CMPK2: variants seen among roughly 807,000 people sequenced by gnomAD.
CMPK2 encodes UMP-CMP kinase 2, mitochondrial.
A neutral mutation model predicts 33.4 loss-of-function variants in CMPK2; 32 were observed. That is an observed-to-expected ratio of 0.96 (90% CI 0.72 to 1.29). The LOEUF is 1.29. Among genes scored for constraint, CMPK2 ranks in the 50% most tolerant of loss-of-function variants. CMPK2 has a pLI of 0.00. For synonymous variants in CMPK2, 299 were observed against 275.3 expected (o/e 1.09, Z -0.85); for missense variants, 672 against 616.0 (o/e 1.09, Z -0.96).
intron 4 of CMPK2, among the ~76,000 whole-genome samples, chr2:6,850,460 A>AT (rs1294593665): frequency 6.6e-6 from 1 of 152,190 alleles, no homozygotes; most frequent in African/African-American, 2.4e-5. Flanking sequence ...CTTCATGTGT[A>AT]TACAGAGTGA....
chr2:6,862,415 C>T (rs1198461595), intron 2 of CMPK2, among the ~76,000 whole-genome samples: 1 of 152,210 alleles, frequency 6.6e-6, no homozygotes, highest in Non-Finnish European at 1.5e-5. Context: ...GAACCACTAG[C>T]CTGTGTTCTT....
downstream of CMPK2, among the ~76,000 whole-genome samples, chr2:6,847,835 C>T (rs193132548): frequency 1.7e-3 from 258 of 152,258 alleles, no homozygotes; most frequent in African/African-American, 5.9e-3. Flanking sequence ...TTAAGGGAGC[C>T]TTGGAAATGC....
chr2:6,866,403 C>T, upstream of CMPK2: 3 of 981,368 alleles, frequency 3.1e-6, no homozygotes, highest in Non-Finnish European at 3.6e-6. Flanking sequence ...CCTGTGCACA[C>T]ACTCACCTTT....
Position 6,851,543 on chromosome 2 carries a change from C to G in CMPK2, c.1133G>C (p.Ser378Thr). The change falls in exon 4 of 5, where the codon AGT (serine) becomes ACT (threonine). Residue 378 changes from serine to threonine, a missense_variant. Coordinates refer to ENST00000256722, the MANE Select transcript of CMPK2 (RefSeq NM_207315.4). ...KPDLILLLTV[S>T]PEERLQRLQG... The stretch of plus-strand genomic sequence containing the variant: ...CAGCCTCTGCAACCTCTCCTCAGGA[C>G]TCACAGTGAGCAGCAGGATAAGGTC... 2 of 1,614,244 alleles carry G rather than the reference C, an allele frequency of 1.2e-6. No homozygotes were observed. Among genetic ancestry groups the G allele is most frequent in the East Asian group, 2.2e-5 (1 of 44,890 alleles).
upstream of CMPK2, chr2:6,866,508 C>A (rs2595173): frequency 0.99 from 971,846 of 985,198 alleles, 480,421 homozygotes; most frequent in South Asian, 1. Context: ...CCCAGATTGG[C>A]ACCTCGAAAT....
chr2:6,862,630 G>A (rs775937528), intron 2 of CMPK2, among the ~76,000 whole-genome samples: 2 of 152,138 alleles, frequency 1.3e-5, no homozygotes, highest in African/African-American at 2.4e-5. Flanking sequence ...TCCTGGACAC[G>A]GCCAGTACAT....
chr2:6,857,531 T>A (rs937307158), intron 3 of CMPK2, among the ~76,000 whole-genome samples: 1 of 152,022 alleles, frequency 6.6e-6, no homozygotes, highest in Non-Finnish European at 1.5e-5. Context: ...TTATCAAGGC[T>A]GGTCTTGAAC....
intron 3 of CMPK2, among the ~76,000 whole-genome samples, chr2:6,857,102 T>C (rs1020533404): frequency 6.6e-6 from 1 of 152,172 alleles, no homozygotes; most frequent in Admixed American, 6.5e-5. Flanking sequence ...TATTGATCCA[T>C]ATCATATGAA....
At chr2:6,852,244 T>G (rs1156724651) in intron 3 of CMPK2, among the ~76,000 whole-genome samples, 2 of 152,218 alleles carry the variant, frequency 1.3e-5, no homozygotes. Flanking sequence ...CCCAGCTCCA[T>G]GAAAGTCCTC....
chr2:6,848,011 T>C (rs1662403286), downstream of CMPK2, among the ~76,000 whole-genome samples: 1 of 152,168 alleles, frequency 6.6e-6, no homozygotes, highest in Admixed American at 6.5e-5. Flanking sequence ...AGTTTTAGGG[T>C]AGGAGGTGCT....
chr2:6,850,985 C>A lies in CMPK2; in HGVS notation c.1226+465G>T, dbSNP rs888385620. On this transcript the variant is annotated intron_variant, in intron 4 of 4. Transcript: ENST00000256722. ...AATAGTTATGTACATTTAGACAAAT[C>A]ACTTAATCCTTTGAGCCTTAAAGTT... 6 of 1,002,588 alleles carry A rather than the reference C, an allele frequency of 6.0e-6. No homozygotes were observed. The African/African-American group carries it at 8.6e-5, about 14-fold the overall frequency. 62.1% of individuals were successfully genotyped at this position (1,002,588 alleles called of 1,614,324 possible).
intron 3 of CMPK2, among the ~76,000 whole-genome samples, chr2:6,857,220 A>C (rs535969686): frequency 6.6e-6 from 1 of 152,256 alleles, no homozygotes; most frequent in Non-Finnish European, 1.5e-5. Flanking sequence ...TCCATTTGTC[A>C]TCGTGATGTA....
chr2:6,853,695 G>T (rs1662592409), intron 3 of CMPK2, among the ~76,000 whole-genome samples: 2 of 152,130 alleles, frequency 1.3e-5, no homozygotes, highest in South Asian at 4.1e-4. Context: ...GAGGTCAGGA[G>T]ATCGAGACCA....
intron 1 of CMPK2, among the ~76,000 whole-genome samples, chr2:6,863,801 C>T (rs572800281): frequency 5.9e-5 from 9 of 152,334 alleles, no homozygotes; most frequent in Non-Finnish European, 1.3e-4. Flanking sequence ...CTGTCTGGAT[C>T]GCTTGGTGGC....
intron 3 of CMPK2, among the ~76,000 whole-genome samples, chr2:6,859,493 C>T (rs141118070): frequency 3.9e-5 from 6 of 152,274 alleles, no homozygotes; most frequent in Non-Finnish European, 8.8e-5. Flanking sequence ...CTCTGTGCAG[C>T]CTAGAGACTT....
intron 3 of CMPK2, among the ~76,000 whole-genome samples, chr2:6,855,806 C>G (rs917534019): frequency 2.0e-5 from 3 of 152,200 alleles, no homozygotes; most frequent in African/African-American, 4.8e-5. Context: ...CCACCACACA[C>G]TTTATTCTCC....
intron 3 of CMPK2, among the ~76,000 whole-genome samples, chr2:6,852,746 G>T (rs1662561415): frequency 6.6e-6 from 1 of 152,126 alleles, no homozygotes; most frequent in East Asian, 1.9e-4. Context: ...ATGAATAAAT[G>T]AATTAGAACG....
At chr2:6,855,115 C>T (rs978699208) in intron 3 of CMPK2, among the ~76,000 whole-genome samples, 24 of 147,778 alleles carry the variant, frequency 1.6e-4, no homozygotes, top group African/African-American at 4.4e-4. Flanking sequence ...AAAGTCATTG[C>T]GGTTTTTGCC....
intron 3 of CMPK2, among the ~76,000 whole-genome samples, chr2:6,854,149 T>G (rs146736363): frequency 1.3e-5 from 2 of 152,340 alleles, no homozygotes; most frequent in African/African-American, 4.8e-5. Flanking sequence ...GGGTCTCAGT[T>G]TTCTTTTTCT....
Sources: allele counts gnomAD v4.1 joint callset (sites outside exome capture counted in the v4.1 genomes callset), GRCh38; gene constraint gnomAD v4.1.1; transcripts MANE v1.5; gene names NCBI Gene and HGNC (gene_info 2026-07-23, HGNC 2026-07-21).